The following GAS7 variants were observed in gnomAD, a reference collection of about 807,000 sequenced individuals.
The protein encoded by GAS7 is growth arrest specific 7.
GAS7 carries 28 observed loss-of-function variants against 71.1 expected under a neutral mutation model. The ratio of observed to expected loss-of-function variants is 0.39; its 90% CI spans 0.29 to 0.54. The LOEUF (loss-of-function observed/expected upper bound fraction) is 0.54, where lower values mean the gene tolerates loss of function less well. Among genes scored for constraint, GAS7 ranks in the 20% least tolerant of loss-of-function variants. The pLI is 0.62. For synonymous variants in GAS7, 258 were observed against 245.8 expected (o/e 1.05, Z -0.46); for missense variants, 436 against 627.8 (o/e 0.69, Z 3.27).
intron 5 of GAS7, among the ~76,000 whole-genome samples, chr17:9,955,371 C>T (rs2069189156): frequency 6.6e-6 from 1 of 152,256 alleles, no homozygotes; most frequent in Non-Finnish European, 1.5e-5. Context: ...AGGAGCTTCA[C>T]TGCCATCCTA....
intron 1 of GAS7, among the ~76,000 whole-genome samples, chr17:10,130,835 G>C (rs1032020913): frequency 6.6e-6 from 1 of 152,150 alleles, no homozygotes; most frequent in Non-Finnish European, 1.5e-5. Flanking sequence ...ATAAGTGGCC[G>C]CCTAAGGAAG....
intron 1 of GAS7, among the ~76,000 whole-genome samples, chr17:10,136,708 G>A (rs957112261): frequency 3.9e-5 from 6 of 152,234 alleles, no homozygotes; most frequent in Middle Eastern, 3.4e-3. Flanking sequence ...TGCAAGACAC[G>A]AAGACTGATT....
chr17:9,960,123 C>T (rs2069421712), intron 4 of GAS7, among the ~76,000 whole-genome samples: 3 of 152,134 alleles, frequency 2.0e-5, no homozygotes, highest in Admixed American at 6.6e-5. Flanking sequence ...ACCTGGGAAG[C>T]AGGCTTACCC....
intron 9 of GAS7, among the ~76,000 whole-genome samples, chr17:9,932,615 G>C (rs1474219442): frequency 5.3e-5 from 8 of 152,208 alleles, no homozygotes; most frequent in Admixed American, 5.2e-4. Flanking sequence ...GAGTCGGAGA[G>C]AAAACCTGGA....
chr17:10,117,058 A>C (rs1366489753), intron 1 of GAS7, among the ~76,000 whole-genome samples: 1 of 152,162 alleles, frequency 6.6e-6, no homozygotes, highest in Non-Finnish European at 1.5e-5. Flanking sequence ...TGGAGGTCAA[A>C]AGTCTGAAAC....
chr17:10,192,747 G>C (rs918941313), intron 1 of GAS7, among the ~76,000 whole-genome samples: 1 of 152,192 alleles, frequency 6.6e-6, no homozygotes, highest in African/African-American at 2.4e-5. Flanking sequence ...GACAAAAGAG[G>C]TGGTTCCTTC....
chr17:9,959,172 C>T lies in GAS7; in HGVS notation c.525+30G>A, dbSNP rs952011816. The T allele has an allele frequency of 8.1e-6, 13 of 1,610,668 alleles. No homozygotes were observed. Among genetic ancestry groups the T allele is most frequent in the South Asian group, 1.1e-5 (1 of 90,862 alleles). ...GCCAAATGCCCCAGCTCGCAGCCCA[C>T]CCTGAGGGCGCCCCTCGGGAGCCAC... On this transcript the variant is annotated intron_variant, in intron 5 of 13. Coordinates refer to ENST00000432992, the MANE Select transcript of GAS7 (RefSeq NM_201433.2). This position sits in a 1 kb window ranked among gnomAD's most constrained non-coding sequence, Gnocchi z 5.0.
intron 2 of GAS7, among the ~76,000 whole-genome samples, chr17:10,000,802 G>C (rs7208463): frequency 6.6e-6 from 1 of 151,986 alleles, no homozygotes; most frequent in Non-Finnish European, 1.5e-5. Context: ...AAGGCTTTGC[G>C]TCTGCTCTGT....
intron 1 of GAS7, among the ~76,000 whole-genome samples, chr17:10,194,764 G>A (rs1403444768): frequency 6.7e-6 from 1 of 149,096 alleles, no homozygotes; most frequent in East Asian, 2.0e-4. Context: ...ACAAGGTGAG[G>A]AGATCGAGAC....
At chr17:10,138,009 C>G (rs1597813455) in intron 1 of GAS7, among the ~76,000 whole-genome samples, 1 of 151,692 alleles carries the variant, frequency 6.6e-6, no homozygotes, top group South Asian at 2.1e-4. Context: ...GTTGCCCAGG[C>G]TGGAATGCAG....
chr17:9,978,444 G>A (rs2070289694), intron 3 of GAS7, among the ~76,000 whole-genome samples: 1 of 150,670 alleles, frequency 6.6e-6, no homozygotes, highest in African/African-American at 2.4e-5. Flanking sequence ...GAGACCAGGA[G>A]TTCAAAACCA....
chr17:10,056,913 C>A (rs1390629663), intron 1 of GAS7, among the ~76,000 whole-genome samples: 2 of 152,134 alleles, frequency 1.3e-5, no homozygotes, highest in African/African-American at 2.4e-5. Flanking sequence ...CCTCAGCCTG[C>A]CAAGTGCCTG....
chr17:10,132,946 G>A (rs1262026922), intron 1 of GAS7, among the ~76,000 whole-genome samples: 2 of 151,452 alleles, frequency 1.3e-5, no homozygotes, highest in Non-Finnish European at 2.9e-5. Flanking sequence ...TCTTTTCACC[G>A]AAAGACTTTA....
At chr17:10,096,910 G>A (rs2073646650) in intron 1 of GAS7, among the ~76,000 whole-genome samples, 1 of 152,220 alleles carries the variant, frequency 6.6e-6, no homozygotes, top group Non-Finnish European at 1.5e-5. Flanking sequence ...CAATAGAAAG[G>A]GTCCCATCCG....
At chr17:10,102,136 T>C (rs2073707269) in intron 1 of GAS7, among the ~76,000 whole-genome samples, 1 of 142,866 alleles carries the variant, frequency 7.0e-6, no homozygotes, top group Non-Finnish European at 1.5e-5. Context: ...AGATCTAAGC[T>C]GAATGAGTTT....
intron 1 of GAS7, among the ~76,000 whole-genome samples, chr17:10,111,523 ACT>A (rs2073812761): frequency 6.7e-6 from 1 of 148,440 alleles, no homozygotes. Flanking sequence ...ACAGAGTGAG[ACT>A]CTGTCTCAAA....
At chr17:10,150,587 A>ATTTCTT (rs2074157583) in intron 1 of GAS7, among the ~76,000 whole-genome samples, 1 of 40,514 alleles carries the variant, frequency 2.5e-5, no homozygotes, top group African/African-American at 2.0e-4. Flanking sequence ...AGGCTGTTAC[A>ATTTCTT]TTTCTTTTTT....
chr17:10,174,378 T>C (rs151061639), intron 1 of GAS7, among the ~76,000 whole-genome samples: 1 of 152,292 alleles, frequency 6.6e-6, no homozygotes, highest in Non-Finnish European at 1.5e-5. Flanking sequence ...GAGACCTGGA[T>C]GCAGAAAACC....
intron 1 of GAS7, among the ~76,000 whole-genome samples, chr17:10,112,287 G>A (rs2142067311): frequency 6.6e-6 from 1 of 152,262 alleles, no homozygotes; most frequent in African/African-American, 2.4e-5. Flanking sequence ...CCACGTGTGG[G>A]GCTTTTCACT....
Sources: gnomAD v4.1 joint callset for allele counts (sites outside exome capture counted in the v4.1 genomes callset) on GRCh38, gnomAD v4.1.1 for gene constraint, Gnocchi (gnomAD v3.1) non-coding constraint, MANE v1.5 for transcripts, NCBI Gene and HGNC (gene_info 2026-07-23, HGNC 2026-07-21) for gene names.